Variants in ACTR2 observed in about 807,000 individuals in gnomAD.
The protein encoded by ACTR2 is actin-related protein 2.
ACTR2 carries 5 observed loss-of-function variants against 50.2 expected under a neutral mutation model. That is an observed-to-expected ratio of 0.10 (90% confidence interval 0.05 to 0.21). ACTR2 has a LOEUF of 0.21. Ranked by LOEUF, ACTR2 falls within the 10% of genes least tolerant of loss-of-function variation. The probability of loss-of-function intolerance (pLI) is 1.00; values close to 1 mark genes in which losing one functional copy is unlikely to be tolerated. For missense variants in ACTR2, 180 were observed against 480.6 expected, an observed-to-expected ratio of 0.37 and a Z score of 5.85; for synonymous variants, 140 against 162.9, an observed-to-expected ratio of 0.86 and a Z score of 1.07.
At chr2:65,248,964 G>GATC (rs1162097288) in intron 3 of ACTR2, among the ~76,000 whole-genome samples, 1 of 151,936 alleles carries the variant, frequency 6.6e-6, no homozygotes, top group African/African-American at 2.4e-5. Context: ...AGTGAGCTGA[G>GATC]ATCACCCCAC....
chr2:65,237,357 T>C (rs11903417), intron 1 of ACTR2, among the ~76,000 whole-genome samples: 49,823 of 151,928 alleles, frequency 0.33, 9,128 homozygotes, highest in African/African-American at 0.48. Flanking sequence ...CCTCAGTCTC[T>C]GGAATAGCTG....
intron 2 of ACTR2, among the ~76,000 whole-genome samples, chr2:65,245,509 G>C (rs1671918890): frequency 6.6e-6 from 1 of 152,160 alleles, no homozygotes. Context: ...AGTAGAGCGA[G>C]ACTCAGTCTC....
At chr2:65,259,680 G>A (rs1214862537) in intron 6 of ACTR2, among the ~76,000 whole-genome samples, 2 of 152,232 alleles carry the variant, frequency 1.3e-5, no homozygotes, top group Non-Finnish European at 2.9e-5. Context: ...ACTGAGCCAC[G>A]ATCAAGCCAC....
intron 4 of ACTR2, among the ~76,000 whole-genome samples, chr2:65,251,908 T>C (rs1449735947): frequency 2.0e-5 from 3 of 152,062 alleles, no homozygotes; most frequent in East Asian, 1.9e-4. Flanking sequence ...AAATAAAATA[T>C]TGGCCACGTT....
intron 3 of ACTR2, among the ~76,000 whole-genome samples, chr2:65,248,904 G>A (rs774990468): frequency 2.0e-5 from 3 of 151,834 alleles, no homozygotes; most frequent in Non-Finnish European, 2.9e-5. Flanking sequence ...TCCCAGCTAC[G>A]CAGGAGGCTG....
rs1437070489 is a variant in ACTR2, at chr2:65,246,387, T to A, written c.160-137T>A. 4.6e-6 allele frequency: 3 copies of A among 652,442 alleles called. No homozygotes were observed. The Admixed American group carries it at 1.0e-4, about 23-fold the overall frequency. 40.4% of individuals were successfully genotyped at this position (652,442 alleles called of 1,614,324 possible). ...GATTAAACTTTCTAAGACATTGTTCTTGATAGAAAAGATTTTCTAACTTGT... is the reference window on the plus strand; with the variant it reads ...GATTAAACTTTCTAAGACATTGTTCATGATAGAAAAGATTTTCTAACTTGT... On this transcript the variant is annotated intron_variant, in intron 2 of 8. Coordinates refer to ENST00000260641, the MANE Select transcript of ACTR2 (RefSeq NM_005722.4).
intron 1 of ACTR2, among the ~76,000 whole-genome samples, chr2:65,238,051 C>CCAGCTACTTGGGAGGCTGAGGTGGGAG (rs1329106053): frequency 3.3e-5 from 5 of 151,778 alleles, no homozygotes; most frequent in Non-Finnish European, 5.9e-5. Context: ...ACCTGTAGTC[C>CCAGCTACTTGGGAGGCTGAGGTGGGAG]CAGCTACTTG....
chr2:65,247,680 C>A (rs1671964561), intron 3 of ACTR2, among the ~76,000 whole-genome samples: 1 of 152,138 alleles, frequency 6.6e-6, no homozygotes, highest in Non-Finnish European at 1.5e-5. Flanking sequence ...ATTGTCTTCA[C>A]ACCGACGAAG....
chr2:65,260,075 C>A (rs910168806), intron 6 of ACTR2, among the ~76,000 whole-genome samples: 2 of 152,086 alleles, frequency 1.3e-5, no homozygotes, highest in African/African-American at 4.8e-5. Flanking sequence ...ATAGTCTAGA[C>A]CAGTGTTCTG....
At position 65,253,874 on chromosome 2, in the gene ACTR2, A is replaced by C. The variant is rs268871; in HGVS notation, c.585+10A>C. ...TAGATATCTTATCAAGGTAAGTGAA[A>C]GGAAAATATCATGGAAATTAAATTT... On this transcript the variant is annotated intron_variant, in intron 5 of 8. Transcript: ENST00000260641. 1,336,075 of 1,601,220 alleles carry C rather than the reference A, an allele frequency of 0.83. 558,414 individuals carry two copies. The highest frequency in any genetic ancestry group is 0.86 in the Middle Eastern group (5,173 of 6,012).
chr2:65,235,378 TA>T (rs1424754242), intron 1 of ACTR2, among the ~76,000 whole-genome samples: 1 of 152,206 alleles, frequency 6.6e-6, no homozygotes, highest in Non-Finnish European at 1.5e-5. Flanking sequence ...AGTTCATCAC[TA>T]TCAACCACTG....
chr2:65,229,706 A>G (rs1426247046), intron 1 of ACTR2, among the ~76,000 whole-genome samples: 1 of 147,452 alleles, frequency 6.8e-6, no homozygotes, highest in African/African-American at 2.5e-5. Context: ...CAGTGAGCCG[A>G]GATCGCACCA....
At chr2:65,263,045 C>CTTGT (rs200249297) in intron 7 of ACTR2, among the ~76,000 whole-genome samples, 1 of 150,338 alleles carries the variant, frequency 6.7e-6, no homozygotes, top group Non-Finnish European at 1.5e-5. Context: ...GTTTAAGGGA[C>CTTGT]TTGTTTGTTT....
At chr2:65,244,312 C>T (rs968975014) in intron 2 of ACTR2, among the ~76,000 whole-genome samples, 3 of 151,510 alleles carry the variant, frequency 2.0e-5, no homozygotes, top group Admixed American at 6.6e-5. Flanking sequence ...TTGTACAACA[C>T]ACAAAAAAGA....
intron 4 of ACTR2, among the ~76,000 whole-genome samples, chr2:65,251,488 A>G (rs1384092540): frequency 2.0e-5 from 3 of 152,078 alleles, no homozygotes; most frequent in Non-Finnish European, 4.4e-5. Context: ...CAGCCTCCCA[A>G]GTATTTGGGA....
rs1483635624 is a variant in ACTR2, at chr2:65,269,533, G to T, written c.*799G>T. The T allele has an allele frequency of 6.6e-6, 1 of 152,002 alleles. No individual in the cohort carries two copies. The highest frequency in any genetic ancestry group is 1.5e-5 in the Non-Finnish European group (1 of 67,992). 9.4% of individuals were successfully genotyped at this position (152,002 alleles called of 1,614,324 possible). On this transcript the variant is annotated 3_prime_UTR_variant, in exon 9 of 9. Transcript: ENST00000260641. ...TTTTTAAAATCAACCATGTTAGCTGGGATTAGACTCCCTACAGTCCTTCAA... is the reference window on the plus strand; with the variant it reads ...TTTTTAAAATCAACCATGTTAGCTGTGATTAGACTCCCTACAGTCCTTCAA...
chr2:65,257,009 A>G (rs1246046017), intron 6 of ACTR2, among the ~76,000 whole-genome samples: 1 of 151,948 alleles, frequency 6.6e-6, no homozygotes, highest in Non-Finnish European at 1.5e-5. Context: ...GGTTTGTTAC[A>G]TAGGTACACA....
At chr2:65,244,909 T>TGGTG (rs1671907436) in intron 2 of ACTR2, among the ~76,000 whole-genome samples, 1 of 142,804 alleles carries the variant, frequency 7.0e-6, no homozygotes, top group Non-Finnish European at 1.5e-5. Flanking sequence ...ACCACTGCAC[T>TGGTG]CCAGCTTGGG....
At position 65,270,205 on chromosome 2, in the gene ACTR2, T is replaced by C. The variant is rs564381033; in HGVS notation, c.*1471T>C. On this transcript the variant is annotated 3_prime_UTR_variant, in exon 9 of 9. Transcript: ENST00000260641. The stretch of plus-strand genomic sequence containing the variant: ...ATTTTTCTTCATTTTAAAACTTTTT[T>C]TTAACTAATAATAGCTTTGAAAGAA... 11 of 152,716 alleles carry C rather than the reference T, an allele frequency of 7.2e-5. No individual in the cohort carries two copies. The East Asian group carries it at 1.3e-3, about 19-fold the overall frequency. The allele number at this position is 152,716 out of a possible 1,614,324, so 9.5% of individuals were successfully genotyped here.
Sources: gnomAD v4.1 joint callset for allele counts (sites outside exome capture counted in the v4.1 genomes callset) on GRCh38, gnomAD v4.1.1 for gene constraint, MANE v1.5 for transcripts, NCBI Gene and HGNC (gene_info 2026-07-23, HGNC 2026-07-21) for gene names.